SLC23A2: variants seen among roughly 807,000 people sequenced by gnomAD.
SLC23A2 encodes the protein Na(+)/L-ascorbic acid transporter 2.
A neutral mutation model predicts 73.3 loss-of-function variants in SLC23A2; 36 were observed. That is an observed-to-expected ratio of 0.49 (90% CI 0.38 to 0.65). The LOEUF (loss-of-function observed/expected upper bound fraction) is 0.65. Among genes scored for constraint, SLC23A2 ranks in the 30% least tolerant of loss-of-function variants. The pLI is 0.00. For synonymous variants in SLC23A2, 343 were observed against 327.3 expected, an observed-to-expected ratio of 1.05 and a Z score of -0.52; for missense variants, 507 against 841.6, an observed-to-expected ratio of 0.60 and a Z score of 4.92.
chr20:4,994,850 C>T lies in SLC23A2; in HGVS notation c.-282+6556G>A, dbSNP rs148283935. Among the ~76,000 whole-genome samples, 983 of 152,072 alleles carry T rather than the reference C, an allele frequency of 6.5e-3. 17 individuals carry two copies. The highest frequency in any genetic ancestry group is 0.023 in the African/African-American group (935 of 41,468). Reference sequence around the variant, plus strand: ...TCAGGAGGCTGAGGCAGGAGAATCGCTTGAACCTAGGAGGTGGAGGTTGCA... The same window carrying T: ...TCAGGAGGCTGAGGCAGGAGAATCGTTTGAACCTAGGAGGTGGAGGTTGCA... On this transcript the variant is annotated intron_variant, in intron 1 of 16. Coordinates refer to ENST00000338244, the MANE Select transcript of SLC23A2 (RefSeq NM_005116.6).
chr20:4,936,774 C>T (rs1467124868), intron 2 of SLC23A2, among the ~76,000 whole-genome samples: 2 of 152,182 alleles, frequency 1.3e-5, no homozygotes, highest in African/African-American at 4.8e-5. Flanking sequence ...CATTTCTCCA[C>T]CACGCATTTA....
intron 9 of SLC23A2, among the ~76,000 whole-genome samples, chr20:4,880,820 C>T (rs1276723374): frequency 1.3e-5 from 2 of 151,762 alleles, no homozygotes; most frequent in Non-Finnish European, 2.9e-5. Flanking sequence ...CGTGAGGCTC[C>T]AGACATTGGA....
Position 4,870,098 on chromosome 20 carries a change from A to T in SLC23A2, c.1103-45T>A, listed in dbSNP as rs35933069. 1.2e-3 allele frequency: 1,897 copies of T among 1,521,110 alleles called. 19 individuals are homozygous for T. The African/African-American group carries it at 0.023, about 18-fold the overall frequency. 94.2% of individuals were successfully genotyped at this position (1,521,110 alleles called of 1,614,324 possible). ...ATGAATGCTCCTAGAGAGGCAGGCG[A>T]AAGTGACCAGGACCAGTTACCCAAA... On this transcript the variant is annotated intron_variant, in intron 11 of 16. Transcript: ENST00000338244.
At chr20:4,945,730 G>A (rs1351016683) in intron 2 of SLC23A2, among the ~76,000 whole-genome samples, 2 of 152,174 alleles carry the variant, frequency 1.3e-5, no homozygotes, top group African/African-American at 4.8e-5. Context: ...GTAACCGAGA[G>A]TGTCAAGGTA....
rs1179799477 is a variant in SLC23A2, at chr20:4,913,143, C to T, written c.109-165G>A. Among the ~76,000 whole-genome samples the T allele has an allele frequency of 5.3e-5, 8 of 152,264 alleles. No individual in the cohort carries two copies. In the East Asian group the frequency reaches 9.7e-4, roughly 18 times the overall value. On this transcript the variant is annotated intron_variant, in intron 3 of 16. Coordinates refer to ENST00000338244, the MANE Select transcript of SLC23A2 (RefSeq NM_005116.6). The stretch of plus-strand genomic sequence containing the variant: ...AGGCTGCCTTAGCAGAAGGCTCAGC[C>T]GGGGAGAAAAGAAATAAAATCCCAG...
intron 2 of SLC23A2, among the ~76,000 whole-genome samples, chr20:4,959,054 A>AC (rs1453747956): frequency 3.4e-5 from 5 of 148,538 alleles, no homozygotes; most frequent in African/African-American, 1.3e-4. Context: ...TACTAAAAAT[A>AC]CAAAAAAAAA....
intron 2 of SLC23A2, among the ~76,000 whole-genome samples, chr20:4,939,979 A>AC (rs200287984): frequency 0.013 from 2,005 of 152,024 alleles, 24 homozygotes; most frequent in Middle Eastern, 0.024. Context: ...ATCCATTAAT[A>AC]CCCCCCCAAC....
rs1486741489 is a variant in SLC23A2, at chr20:4,958,530, T to C, written c.-155+12263A>G. On this transcript the variant is annotated intron_variant, in intron 2 of 16. Coordinates refer to ENST00000338244, the MANE Select transcript of SLC23A2 (RefSeq NM_005116.6). ...GCAACAAAATACATTTATCTAATTT[T>C]CTAGCAGTAGCTGCAAATGTTTATT... Among the ~76,000 whole-genome samples, 3 of 152,226 alleles carry C rather than the reference T, an allele frequency of 2.0e-5. No homozygotes were observed. The East Asian group carries it at 5.8e-4, about 29-fold the overall frequency.
chr20:4,935,794 A>G (rs147966697), intron 2 of SLC23A2, among the ~76,000 whole-genome samples: 2,387 of 152,104 alleles, frequency 0.016, 61 homozygotes, highest in African/African-American at 0.052. Context: ...GCGAGACTCC[A>G]TCTCAAAAAA....
chr20:4,889,070 C>T lies in SLC23A2; in HGVS notation c.483-3161G>A, dbSNP rs149634555. 3.0e-4 allele frequency among the ~76,000 whole-genome samples: 46 copies of T among 152,262 alleles called. No homozygotes were observed. The East Asian group carries it at 3.9e-3, about 13-fold the overall frequency. The stretch of plus-strand genomic sequence containing the variant: ...CCAGCACAATTATAAGCAGATACGA[C>T]GATGGAAAACACTTCCTGAGCCCTT... On this transcript the variant is annotated intron_variant, in intron 6 of 16. Coordinates refer to ENST00000338244, the MANE Select transcript of SLC23A2 (RefSeq NM_005116.6).
chr20:4,928,175 G>A (rs1257165776), intron 3 of SLC23A2, among the ~76,000 whole-genome samples: 1 of 152,038 alleles, frequency 6.6e-6, no homozygotes, highest in African/African-American at 2.4e-5. Context: ...AAGTAGGTAG[G>A]ACTACAGGCA....
chr20:4,923,693 T>G (rs956278952), intron 3 of SLC23A2, among the ~76,000 whole-genome samples: 2 of 152,206 alleles, frequency 1.3e-5, no homozygotes, highest in African/African-American at 4.8e-5. Context: ...TTTTAAGATC[T>G]AAGTACTCCA....
intron 13 of SLC23A2, among the ~76,000 whole-genome samples, chr20:4,865,911 C>T (rs568394113): frequency 3.0e-4 from 46 of 152,248 alleles, no homozygotes; most frequent in African/African-American, 1.0e-3. Context: ...CAGCTCACTG[C>T]AACCTCTGCG....
At chr20:4,985,122 C>T (rs1232683058) in intron 1 of SLC23A2, among the ~76,000 whole-genome samples, 2 of 124,800 alleles carry the variant, frequency 1.6e-5, no homozygotes, top group African/African-American at 6.3e-5. Context: ...GGTGACAGAG[C>T]AAGACTCCGT....
At chr20:4,916,388 G>T (rs1239210356) in intron 3 of SLC23A2, among the ~76,000 whole-genome samples, 1 of 152,140 alleles carries the variant, frequency 6.6e-6, no homozygotes, top group Non-Finnish European at 1.5e-5. Context: ...TTTATCTCGG[G>T]TTGCTGCAGG....
At position 4,985,021 on chromosome 20, in the gene SLC23A2, C is replaced by T. The variant is rs71333983; in HGVS notation, c.-281-14102G>A. Among the ~76,000 whole-genome samples, 1,431 of 151,900 alleles carry T rather than the reference C, an allele frequency of 9.4e-3. 12 individuals are homozygous for T. Among genetic ancestry groups the T allele is most frequent in the Middle Eastern group, 0.041 (12 of 294 alleles). Reference sequence around the variant, plus strand: ...GCGTGGTGGCACGTGCCTGTAGTTCCGGCTACTTGGGAGGCTGAGGCAGGA... The same window carrying T: ...GCGTGGTGGCACGTGCCTGTAGTTCTGGCTACTTGGGAGGCTGAGGCAGGA... On this transcript the variant is annotated intron_variant, in intron 1 of 16. Transcript: ENST00000338244.
Position 4,876,540 on chromosome 20 carries a change from C to G in SLC23A2, c.825-1844G>C, listed in dbSNP as rs76154892. Among the ~76,000 whole-genome samples the G allele has an allele frequency of 7.8e-3, 1,189 of 152,356 alleles. 15 individuals carry two copies. The highest frequency in any genetic ancestry group is 0.027 in the African/African-American group (1,137 of 41,582). On this transcript the variant is annotated intron_variant, in intron 9 of 16. Transcript: ENST00000338244. ...AGGTGCAGACCCGCCCATGTCCACA[C>G]ATCTTAACTGAGCAAAGGGATGAAG... is the stretch of plus-strand genomic sequence containing the variant.
At position 4,856,984 on chromosome 20, in the gene SLC23A2, C is replaced by T. The variant is rs770548154; in HGVS notation, c.1941G>A (p.Gln647=). ...GGCACAGCAAAGGCTATCCCGTGGC[C>T]TGGGAGTCTTCATCTGAACTCCGGC... ...DNSRSSDEDS[Q]ATG The change falls in exon 17 of 17, where the codon CAG becomes CAA. Residue 647 remains glutamine (Q), a synonymous_variant. Transcript: ENST00000338244. This position sits in a 1 kb window ranked among gnomAD's most constrained non-coding sequence, Gnocchi z 4.6. 1.2e-6 allele frequency: 2 copies of T among 1,612,760 alleles called. No homozygotes were observed. The highest frequency in any genetic ancestry group is 2.2e-5 in the South Asian group (2 of 91,044).
chr20:4,969,381 A>G (rs114984220), intron 2 of SLC23A2, among the ~76,000 whole-genome samples: 3,074 of 152,142 alleles, frequency 0.02, 104 homozygotes, highest in South Asian at 0.14. Flanking sequence ...GAGCCACTAC[A>G]CCCAGCCTTT....
Sources: gnomAD v4.1 joint callset for allele counts (sites outside exome capture counted in the v4.1 genomes callset) on GRCh38, gnomAD v4.1.1 for gene constraint, Gnocchi (gnomAD v3.1) non-coding constraint, MANE v1.5 for transcripts, NCBI Gene and HGNC (gene_info 2026-07-23, HGNC 2026-07-21) for gene names.